The following STK3 variants were observed in gnomAD, a reference collection of about 807,000 sequenced individuals.
STK3 encodes serine/threonine-protein kinase 3.
A neutral mutation model predicts 58.0 loss-of-function variants in STK3; 41 were observed. The ratio of observed to expected loss-of-function variants is 0.71; its 90% CI spans 0.55 to 0.92. The LOEUF (loss-of-function observed/expected upper bound fraction) is 0.92, where lower values mean the gene tolerates loss of function less well. Ranked by LOEUF, STK3 falls within the 40% of genes least tolerant of loss-of-function variation. The pLI is 0.00. For missense variants in STK3, 479 were observed against 602.7 expected, an observed-to-expected ratio of 0.79 and a Z score of 2.15; for synonymous variants, 170 against 191.0, an observed-to-expected ratio of 0.89 and a Z score of 0.91.
intron 1 of STK3, among the ~76,000 whole-genome samples, chr8:98,939,241 G>C (rs976196072): frequency 2.0e-5 from 3 of 152,224 alleles, no homozygotes; most frequent in Non-Finnish European, 4.4e-5. Context: ...GAGAGAGCAC[G>C]CGCGGGAAAG....
At chr8:98,451,002 C>G (rs1050583706), downstream of STK3, among the ~76,000 whole-genome samples, 8 of 152,174 alleles carry the variant, frequency 5.3e-5, no homozygotes, top group African/African-American at 1.9e-4. Flanking sequence ...CATTTAATCT[C>G]TCTAATTCTT....
chr8:98,620,809 A>G (rs1279998463), intron 6 of STK3, among the ~76,000 whole-genome samples: 1 of 152,170 alleles, frequency 6.6e-6, no homozygotes, highest in East Asian at 1.9e-4. Flanking sequence ...AAAAAAGACA[A>G]AAAGAGTAGT....
At chr8:98,934,369 G>A (rs1840118599) in intron 1 of STK3, among the ~76,000 whole-genome samples, 1 of 152,170 alleles carries the variant, frequency 6.6e-6, no homozygotes, top group Non-Finnish European at 1.5e-5. Flanking sequence ...TCCCCAGCCA[G>A]GTTCCTGAAA....
chr8:98,884,656 A>G (rs923664178), intron 1 of STK3, among the ~76,000 whole-genome samples: 1 of 152,134 alleles, frequency 6.6e-6, no homozygotes, highest in African/African-American at 2.4e-5. Context: ...GGCTTTTGGG[A>G]AATAATCAGG....
At chr8:98,581,095 A>G (rs904403114) in intron 7 of STK3, among the ~76,000 whole-genome samples, 1 of 152,192 alleles carries the variant, frequency 6.6e-6, no homozygotes, top group African/African-American at 2.4e-5. Flanking sequence ...ACTGGATCCT[A>G]CGTTTCTCAA....
chr8:98,907,257 T>C (rs1185838567), intron 1 of STK3, among the ~76,000 whole-genome samples: 1 of 152,146 alleles, frequency 6.6e-6, no homozygotes, highest in Admixed American at 6.6e-5. Context: ...CTTATGGCTG[T>C]AATCCCAGCA....
At chr8:98,825,456 C>A in intron 1 of STK3, 59 bp downstream of exon 1, 4 of 1,422,672 alleles carry the variant, frequency 2.8e-6, no homozygotes, top group Non-Finnish European at 3.7e-6. Context: ...GCCTAGCCAC[C>A]CCCGCCCCGC....
At chr8:98,736,710 A>G (rs1422968231) in intron 4 of STK3, among the ~76,000 whole-genome samples, 1 of 152,180 alleles carries the variant, frequency 6.6e-6, no homozygotes, top group Non-Finnish European at 1.5e-5. Flanking sequence ...TAAATATGTT[A>G]CTTAGGTGGT....
chr8:98,381,145 A>G (rs1311891632), intron 1 of STK3, among the ~76,000 whole-genome samples: 1 of 151,608 alleles, frequency 6.6e-6, no homozygotes, highest in African/African-American at 2.4e-5. Context: ...TAATTTTTGT[A>G]TTTTTAGTAG....
intron 3 of STK3, chr8:98,393,498 TG>T (rs1364049791): frequency 6.6e-6 from 1 of 152,148 alleles, no homozygotes; most frequent in East Asian, 1.9e-4. Flanking sequence ...TAACTTTCAG[TG>T]TAATAAGGCC....
intron 2 of STK3, among the ~76,000 whole-genome samples, chr8:98,773,946 G>A (rs1274558261): frequency 1.3e-5 from 2 of 151,834 alleles, no homozygotes; most frequent in African/African-American, 4.8e-5. Context: ...ACAGGCACCC[G>A]CTACCACGCC....
intron 6 of STK3, among the ~76,000 whole-genome samples, chr8:98,614,784 C>A (rs991085211): frequency 5.3e-5 from 8 of 152,190 alleles, no homozygotes; most frequent in Non-Finnish European, 1.0e-4. Flanking sequence ...GAGACTATAT[C>A]CCACACCTGG....
intron 1 of STK3, among the ~76,000 whole-genome samples, chr8:98,446,782 G>C (rs189737983): frequency 6.6e-6 from 1 of 152,192 alleles, no homozygotes; most frequent in African/African-American, 2.4e-5. Context: ...AAAGACATAT[G>C]CACGCAAATG....
chr8:98,903,487 GTTCTTCTTCTTCTTCTTCTTCTTC>G, intron 1 of STK3, among the ~76,000 whole-genome samples: 1 of 139,646 alleles, frequency 7.2e-6, no homozygotes, highest in East Asian at 2.1e-4. Flanking sequence ...AATTTAGGAA[GTTCTTCTTCTTCTTCTTCTTCTTC>G]TTCTTCTTCT....
In STK3 at chr8:98,707,292, G is replaced by T. The variant is rs1198258205; in HGVS notation, c.371C>A (p.Ala124Glu). The change falls in exon 5 of 11, where the codon GCA (alanine) becomes GAA (glutamate). Residue 124 changes from alanine (A) to glutamate (E), a missense_variant. This residue lies in a region of STK3 where 126 missense variants were observed against 210.1 expected (regional missense o/e 0.60). Transcript: ENST00000419617. ...TTTCAATGTAGATTTAAGAATGGTTGCAATTTCATCTTCTATTAACTGGAA... is the reference window on the plus strand; with the variant it reads ...TTTCAATGTAGATTTAAGAATGGTTTCAATTTCATCTTCTATTAACTGGAA... ...RNKTLIEDEI[A>E]TILKSTLKGL... 9.7e-6 allele frequency: 15 copies of T among 1,538,834 alleles called. No individual in the cohort carries two copies. Among genetic ancestry groups the T allele is most frequent in the Middle Eastern group, 1.7e-4 (1 of 5,908 alleles).
the STK3 span, among the ~76,000 whole-genome samples, chr8:98,345,191 G>A: frequency 6.6e-6 from 1 of 151,966 alleles, no homozygotes; most frequent in Non-Finnish European, 1.5e-5. Context: ...TGAGATCTAT[G>A]TATGCTTAAT....
intron 5 of STK3, 119 bp downstream of exon 5, chr8:98,707,028 C>T (rs373602476): frequency 1.8e-4 from 206 of 1,148,060 alleles, no homozygotes; most frequent in Non-Finnish European, 2.3e-4. Context: ...TCCTTCTCCA[C>T]AAAAATTAAA....
At chr8:98,625,309 A>G (rs145116465) in intron 6 of STK3, among the ~76,000 whole-genome samples, 183 of 152,144 alleles carry the variant, frequency 1.2e-3, no homozygotes, top group Non-Finnish European at 1.9e-3. Context: ...ACACATACAC[A>G]CTCATCATTA....
downstream of STK3, among the ~76,000 whole-genome samples, chr8:98,397,169 C>T (rs553783330): frequency 2.0e-5 from 3 of 152,328 alleles, no homozygotes; most frequent in South Asian, 6.2e-4. Context: ...AACACACACA[C>T]ACAGTCCCCC....
Sources: allele counts gnomAD v4.1 joint callset (sites outside exome capture counted in the v4.1 genomes callset), GRCh38; gene constraint gnomAD v4.1.1; regional missense constraint gnomAD v4.1.1; transcripts MANE v1.5; gene names NCBI Gene and HGNC (gene_info 2026-07-23, HGNC 2026-07-21).